Variants in CCDC148 observed in about 807,000 individuals in gnomAD.
The protein encoded by CCDC148 is coiled-coil domain containing 148, also known as coiled-coil domain-containing protein 148.
Under a neutral mutation model 85.7 loss-of-function variants are expected in CCDC148, and 89 were observed. The observed-to-expected ratio is 1.04, with a 90% CI of 0.87 to 1.24. The LOEUF is 1.24. CCDC148 is among the 50% of genes most tolerant of loss of function. CCDC148 has a pLI of 0.00. For synonymous variants in CCDC148, 230 were observed against 213.9 expected, an observed-to-expected ratio of 1.08 and a Z score of -0.66; for missense variants, 692 against 671.7, an observed-to-expected ratio of 1.03 and a Z score of -0.33.
intron 5 of CCDC148, 106 bp downstream of exon 5, chr2:158,340,136 T>C (rs1682601260): frequency 3.7e-6 from 3 of 806,500 alleles, no homozygotes; most frequent in South Asian, 2.7e-5. Flanking sequence ...TATGTATTAA[T>C]ATTAACTAAT....
intron 9 of CCDC148, among the ~76,000 whole-genome samples, chr2:158,281,616 G>T (rs543307202): frequency 6.6e-6 from 1 of 152,188 alleles, no homozygotes. Context: ...AACAGGAAGT[G>T]AAATTGTGGC....
chr2:158,190,571 T>C (rs1397032763), intron 11 of CCDC148, among the ~76,000 whole-genome samples: 2 of 151,970 alleles, frequency 1.3e-5, no homozygotes, highest in Non-Finnish European at 2.9e-5. Context: ...TTGATACTAA[T>C]TGGGTAATTT....
chr2:158,281,613 A>G (rs761644375), intron 9 of CCDC148, among the ~76,000 whole-genome samples: 8 of 152,134 alleles, frequency 5.3e-5, no homozygotes, highest in Non-Finnish European at 8.8e-5. Context: ...AATAACAGGA[A>G]GTGAAATTGT....
At chr2:158,283,152 G>A (rs1212840604) in intron 9 of CCDC148, among the ~76,000 whole-genome samples, 11 of 152,242 alleles carry the variant, frequency 7.2e-5, no homozygotes, top group South Asian at 4.2e-4. Context: ...AGACTTAAAC[G>A]TTAGACCTAA....
intron 7 of CCDC148, among the ~76,000 whole-genome samples, chr2:158,337,228 A>G (rs146315684): frequency 2.9e-4 from 44 of 152,286 alleles, no homozygotes; most frequent in African/African-American, 9.6e-4. Context: ...AAACACCACA[A>G]TCTCAGCCAG....
intron 11 of CCDC148, 127 bp downstream of exon 11, chr2:158,220,468 G>A: frequency 1.5e-6 from 1 of 645,320 alleles, no homozygotes; most frequent in Non-Finnish European, 2.7e-6. Flanking sequence ...ATTCATTTGT[G>A]AATATAAATA....
chr2:158,363,764 T>C (rs1189773623), intron 1 of CCDC148, among the ~76,000 whole-genome samples: 1 of 152,226 alleles, frequency 6.6e-6, no homozygotes, highest in East Asian at 1.9e-4. Context: ...AAGACAAGGA[T>C]GCCCTCTCTC....
intron 10 of CCDC148, among the ~76,000 whole-genome samples, chr2:158,240,316 T>C (rs1457802239): frequency 1.3e-5 from 2 of 152,032 alleles, no homozygotes; most frequent in Non-Finnish European, 2.9e-5. Context: ...TATTGAGTCC[T>C]GCCATGGGAT....
intron 1 of CCDC148, among the ~76,000 whole-genome samples, chr2:158,431,841 G>A (rs1351241144): frequency 6.6e-6 from 1 of 152,072 alleles, no homozygotes; most frequent in Non-Finnish European, 1.5e-5. Context: ...GTGTGGCTGA[G>A]GCACAAGGAT....
At chr2:158,270,944 T>C (rs931270779) in intron 9 of CCDC148, among the ~76,000 whole-genome samples, 1 of 152,172 alleles carries the variant, frequency 6.6e-6, no homozygotes, top group Non-Finnish European at 1.5e-5. Context: ...ACATCATAGA[T>C]AAATGCTGGA....
At chr2:158,331,302 T>A (rs112461761) in intron 7 of CCDC148, among the ~76,000 whole-genome samples, 1 of 152,340 alleles carries the variant, frequency 6.6e-6, no homozygotes, top group Non-Finnish European at 1.5e-5. Flanking sequence ...TCAGTTTCCA[T>A]GTAGTTGAGC....
rs200310119 is a variant in CCDC148 at position 158,202,780 on chromosome 2, C to CA, written c.1370+17814dup. Among the ~76,000 whole-genome samples the CA allele has an allele frequency of 6.3e-3, 961 of 152,236 alleles. 13 individuals carry two copies. Among genetic ancestry groups the CA allele is most frequent in the African/African-American group, 0.022 (924 of 41,534 alleles). The stretch of plus-strand genomic sequence containing the variant: ...TTCTTTTTTTGACCATTTAAACATG[C>CA]AAAAACATATTCTTAGCTTGCAGGC... On this transcript the variant is annotated intron_variant, in intron 11 of 13. Transcript: ENST00000283233.
intron 2 of CCDC148, among the ~76,000 whole-genome samples, chr2:158,350,462 T>A (rs1432567925): frequency 6.6e-6 from 1 of 152,180 alleles, no homozygotes; most frequent in Admixed American, 6.5e-5. Context: ...TTGTTTGGTA[T>A]CTTTATTAAA....
intron 8 of CCDC148, among the ~76,000 whole-genome samples, chr2:158,310,478 C>G (rs1401442492): frequency 6.6e-6 from 1 of 152,104 alleles, no homozygotes; most frequent in Non-Finnish European, 1.5e-5. Context: ...AGAGGGGCTC[C>G]TCACTTCCCA....
chr2:158,283,763 A>G (rs1690466229), intron 9 of CCDC148, among the ~76,000 whole-genome samples: 2 of 151,976 alleles, frequency 1.3e-5, no homozygotes, highest in African/African-American at 4.8e-5. Flanking sequence ...TGACCCAGCC[A>G]TCCCATTACT....
intron 11 of CCDC148, among the ~76,000 whole-genome samples, chr2:158,191,626 G>C (rs1368824335): frequency 6.6e-6 from 1 of 151,890 alleles, no homozygotes; most frequent in Non-Finnish European, 1.5e-5. Flanking sequence ...TATGTATTGG[G>C]TGTGACTTTT....
intron 1 of CCDC148, among the ~76,000 whole-genome samples, chr2:158,444,549 G>A (rs903330306): frequency 1.3e-5 from 2 of 152,038 alleles, no homozygotes; most frequent in Non-Finnish European, 2.9e-5. Flanking sequence ...GGGAGGCTGA[G>A]GTAGGAGGAT....
intron 10 of CCDC148, among the ~76,000 whole-genome samples, chr2:158,241,125 G>A (rs921156169): frequency 6.6e-6 from 1 of 152,148 alleles, no homozygotes; most frequent in African/African-American, 2.4e-5. Context: ...GTTAGGTTAA[G>A]GCTTTGTTGA....
chr2:158,204,285 T>C lies in CCDC148; in HGVS notation c.1370+16310A>G, dbSNP rs112176862. Among the ~76,000 whole-genome samples the C allele has an allele frequency of 7.1e-3, 1,085 of 152,184 alleles. 10 individuals are homozygous for C. Among genetic ancestry groups the C allele is most frequent in the African/African-American group, 0.024 (1,014 of 41,522 alleles). On this transcript the variant is annotated intron_variant, in intron 11 of 13. Coordinates refer to ENST00000283233, the MANE Select transcript of CCDC148 (RefSeq NM_138803.4). ...GCACTATGGTGGTTTTCAAATAGGA[T>C]CACAAATTATTTGATACTCCTCCTA...
Sources: allele counts gnomAD v4.1 joint callset (sites outside exome capture counted in the v4.1 genomes callset), GRCh38; gene constraint gnomAD v4.1.1; transcripts MANE v1.5; gene names NCBI Gene and HGNC (gene_info 2026-07-23, HGNC 2026-07-21).